Variants in RBM20 observed in about 807,000 individuals in gnomAD.
The protein encoded by RBM20 is RNA-binding protein 20.
RBM20 carries 51 observed loss-of-function variants against 110.1 expected under a neutral mutation model. That is an observed-to-expected ratio of 0.46 (90% CI 0.37 to 0.59). RBM20 has a LOEUF of 0.59. Ranked by LOEUF, RBM20 falls within the 20% of genes least tolerant of loss-of-function variation. The pLI, the probability that RBM20 is intolerant of heterozygous loss-of-function variation, is 0.00. For missense variants in RBM20, 1,512 were observed against 1,574.9 expected (o/e 0.96, Z 0.68); for synonymous variants, 589 against 618.2 (o/e 0.95, Z 0.70).
chr10:110,818,353 A>G (rs992791459), intron 9 of RBM20, among the ~76,000 whole-genome samples: 8 of 150,590 alleles, frequency 5.3e-5, no homozygotes, highest in Admixed American at 2.7e-4. Flanking sequence ...TGCATTTTGG[A>G]ATGATCATTC....
chr10:110,758,352 G>C (rs1843949222), intron 1 of RBM20, among the ~76,000 whole-genome samples: 1 of 152,072 alleles, frequency 6.6e-6, no homozygotes, highest in Admixed American at 6.6e-5. Context: ...ATATTCCAGG[G>C]GAGGGACAAG....
rs1845171598 is a variant in RBM20, at chr10:110,839,081, C to T, written c.*3103C>T. The T allele has an allele frequency of 6.6e-6, 1 of 152,114 alleles. No homozygotes were observed. Among genetic ancestry groups the T allele is most frequent in the Admixed American group, 6.5e-5 (1 of 15,280 alleles). The allele number at this position is 152,114 out of a possible 1,614,324, so 9.4% of individuals were successfully genotyped here. ...CCTTAAGCAACAGATTCATATTTAC[C>T]CTGGGTTAATACAACAAAAGGCCTG... is the stretch of plus-strand genomic sequence containing the variant. On this transcript the variant is annotated 3_prime_UTR_variant, in exon 14 of 14. Transcript: ENST00000369519.
intron 1 of RBM20, among the ~76,000 whole-genome samples, chr10:110,711,410 C>T (rs1019555164): frequency 1.3e-5 from 2 of 151,180 alleles, no homozygotes; most frequent in African/African-American, 4.9e-5. Flanking sequence ...ACCTTTACCC[C>T]AAGCTACCAC....
intron 1 of RBM20, among the ~76,000 whole-genome samples, chr10:110,696,592 C>T (rs985566096): frequency 1.3e-5 from 2 of 152,152 alleles, no homozygotes; most frequent in Admixed American, 1.3e-4. Flanking sequence ...ACTCACTGGG[C>T]TGGATCTAGG....
rs187227539 is a variant in RBM20 at position 110,741,406 on chromosome 10, C to G, written c.192-39395C>G. Among the ~76,000 whole-genome samples the G allele has an allele frequency of 2.8e-4, 43 of 152,314 alleles. No individual in the cohort carries two copies. In the East Asian group the frequency reaches 6.4e-3, roughly 23 times the overall value. ...GACTGCAGCTGTTTCCACATTATAT[C>G]TTCTGGCACCAACAACTTCATGTGT... On this transcript the variant is annotated intron_variant, in intron 1 of 13. Transcript: ENST00000369519.
intron 1 of RBM20, among the ~76,000 whole-genome samples, chr10:110,763,261 C>T (rs930179098): frequency 7.9e-5 from 12 of 151,780 alleles, no homozygotes; most frequent in African/African-American, 2.9e-4. Flanking sequence ...GAATTCAGTC[C>T]CAGCAGGAGG....
intron 1 of RBM20, among the ~76,000 whole-genome samples, chr10:110,734,714 A>T (rs1053575467): frequency 6.7e-6 from 1 of 148,806 alleles, no homozygotes; most frequent in Non-Finnish European, 1.5e-5. Flanking sequence ...ATATTTTCTC[A>T]TTTGTAAAAT....
intron 1 of RBM20, among the ~76,000 whole-genome samples, chr10:110,759,110 A>G (rs1009297963): frequency 6.6e-6 from 1 of 152,230 alleles, no homozygotes; most frequent in African/African-American, 2.4e-5. Context: ...TTCCTCTGCT[A>G]ATGGCTGTGG....
intron 1 of RBM20, among the ~76,000 whole-genome samples, chr10:110,731,169 T>C (rs528501800): frequency 6.6e-6 from 1 of 152,334 alleles, no homozygotes; most frequent in East Asian, 1.9e-4. Context: ...TTCTCGATAT[T>C]TGGGGGCTGG....
intron 12 of RBM20, chr10:110,827,733 G>A (rs1186449910): frequency 6.6e-6 from 1 of 152,128 alleles, no homozygotes. Flanking sequence ...CTTAATAAGG[G>A]TTGTCTATTA....
intron 1 of RBM20, among the ~76,000 whole-genome samples, chr10:110,666,240 T>C (rs1001887443): frequency 3.9e-5 from 6 of 152,208 alleles, no homozygotes; most frequent in African/African-American, 1.4e-4. Context: ...AAAGTTTCCG[T>C]AATAAAAAGT....
At chr10:110,762,702 G>A (rs1590661291) in intron 1 of RBM20, among the ~76,000 whole-genome samples, 1 of 152,162 alleles carries the variant, frequency 6.6e-6, no homozygotes, top group Non-Finnish European at 1.5e-5. Flanking sequence ...GCTGGCTGTG[G>A]CTGGCAGGTT....
rs118140797 is a variant in RBM20, at chr10:110,697,617, C to T, written c.191+52972C>T. On this transcript the variant is annotated intron_variant, in intron 1 of 13. Coordinates refer to ENST00000369519, the MANE Select transcript of RBM20 (RefSeq NM_001134363.3). ...TGCATGAGTTCACTTCTCACCACCT[C>T]CTTGGATGCCACCCATGCTGGTTGT... 4.1e-3 allele frequency among the ~76,000 whole-genome samples: 620 copies of T among 152,360 alleles called. 6 individuals are homozygous for T. Among genetic ancestry groups the T allele is most frequent in the Non-Finnish European group, 5.6e-3 (384 of 68,024 alleles).
intron 1 of RBM20, among the ~76,000 whole-genome samples, chr10:110,717,074 C>T (rs935596863): frequency 1.6e-4 from 25 of 152,014 alleles, no homozygotes; most frequent in African/African-American, 6.0e-4. Flanking sequence ...TCACATTTGT[C>T]TTGTCCGTGT....
chr10:110,781,766 A>G lies in RBM20; in HGVS notation c.1157A>G (p.Gln386Arg), dbSNP rs1019049756. ...GCTGGGCGGAGGGCCAAGGAGGACCAGGCGTTGCTATCTGTGCGGCCCCTG... is the reference window on the plus strand; with the variant it reads ...GCTGGGCGGAGGGCCAAGGAGGACCGGGCGTTGCTATCTGTGCGGCCCCTG... ...IGAGRRAKED[Q>R]ALLSVRPLQA... The change falls in exon 2 of 14, where the codon CAG (glutamine) becomes CGG (arginine). Residue 386 changes from glutamine (Q) to arginine (R), a missense_variant. Transcript: ENST00000369519. The G allele has an allele frequency of 6.4e-7, 1 of 1,551,868 alleles. No individual in the cohort carries two copies. Among genetic ancestry groups the G allele is most frequent in the Non-Finnish European group, 8.7e-7 (1 of 1,147,016 alleles).
At chr10:110,745,777 T>C (rs1206095017) in intron 1 of RBM20, among the ~76,000 whole-genome samples, 2 of 152,076 alleles carry the variant, frequency 1.3e-5, no homozygotes, top group Non-Finnish European at 2.9e-5. Context: ...GGGCTGAAAA[T>C]GCAAAGGAAA....
intron 1 of RBM20, among the ~76,000 whole-genome samples, chr10:110,657,462 A>C (rs1240279772): frequency 2.0e-5 from 3 of 152,138 alleles, no homozygotes; most frequent in African/African-American, 7.2e-5. Flanking sequence ...CTTTTGAGGA[A>C]TGTCTACTCA....
At position 110,726,135 on chromosome 10, in the gene RBM20, C is replaced by T. The variant is rs113994597; in HGVS notation, c.192-54666C>T. 4.1e-3 allele frequency among the ~76,000 whole-genome samples: 624 copies of T among 152,284 alleles called. 5 individuals carry two copies. Among genetic ancestry groups the T allele is most frequent in the African/African-American group, 0.014 (579 of 41,552 alleles). On this transcript the variant is annotated intron_variant, in intron 1 of 13. Transcript: ENST00000369519. ...TCCCTCTCAGTGGAATGTTCTGTCC[C>T]AGGAGGCATTGCATCACTGCTGACC...
intron 9 of RBM20, among the ~76,000 whole-genome samples, chr10:110,815,391 A>T (rs1325425897): frequency 6.6e-6 from 1 of 152,186 alleles, no homozygotes; most frequent in Non-Finnish European, 1.5e-5. Flanking sequence ...AGAACAGGAG[A>T]TGAGATTAGG....
Sources: allele counts gnomAD v4.1 joint callset (sites outside exome capture counted in the v4.1 genomes callset), GRCh38; gene constraint gnomAD v4.1.1; transcripts MANE v1.5; gene names NCBI Gene and HGNC (gene_info 2026-07-23, HGNC 2026-07-21).